KLF17: variants seen among roughly 807,000 people sequenced by gnomAD.
The protein encoded by KLF17 is KLF transcription factor 17.
In KLF17, 31 loss-of-function variants were observed where a neutral mutation model predicts 34.2. The observed-to-expected ratio is 0.91, with a 90% CI of 0.68 to 1.22. KLF17 has a LOEUF of 1.22. Ranked by LOEUF, KLF17 falls within the 50% of genes most tolerant of loss-of-function variation. The probability of loss-of-function intolerance (pLI) is 0.00; values close to 1 mark genes in which losing one functional copy is unlikely to be tolerated. For synonymous variants in KLF17, 179 were observed against 186.7 expected (o/e 0.96, Z 0.34); for missense variants, 478 against 505.2 (o/e 0.95, Z 0.52).
the KLF17 span, among the ~76,000 whole-genome samples, chr1:44,112,378 G>A: frequency 4.0e-5 from 6 of 151,548 alleles, no homozygotes; most frequent in Admixed American, 2.6e-4. Context: ...TCTCTCCAAT[G>A]TTTTCTTTTT....
chr1:44,060,441 C>G, the KLF17 span, among the ~76,000 whole-genome samples: 1 of 152,168 alleles, frequency 6.6e-6, no homozygotes, highest in Non-Finnish European at 1.5e-5. Context: ...GCACTCCAGC[C>G]TGGGTGACAG....
At chr1:44,110,143 G>T in the KLF17 span, among the ~76,000 whole-genome samples, 1 of 152,142 alleles carries the variant, frequency 6.6e-6, no homozygotes, top group East Asian at 1.9e-4. Flanking sequence ...CTGACCTCAA[G>T]TGATCTACCT....
At chr1:44,119,113 G>A (rs955940150) in intron 1 of KLF17, 125 bp downstream of exon 1, 1 of 605,600 alleles carries the variant, frequency 1.7e-6, no homozygotes, top group Admixed American at 3.5e-5. Flanking sequence ...AATCCGAGGG[G>A]AGGGGTGGCA....
chr1:44,116,301 G>A (rs796602933), upstream of KLF17, among the ~76,000 whole-genome samples: 5 of 152,228 alleles, frequency 3.3e-5, no homozygotes, highest in African/African-American at 9.6e-5. Flanking sequence ...AGATACATAA[G>A]AGCCTTCTTA....
At chr1:44,107,883 C>T in the KLF17 span, among the ~76,000 whole-genome samples, 1 of 152,248 alleles carries the variant, frequency 6.6e-6, no homozygotes, top group Middle Eastern at 3.4e-3. Context: ...AAAAACACAG[C>T]ATATATAGGG....
At chr1:44,058,365 A>C in the KLF17 span, among the ~76,000 whole-genome samples, 857 of 152,202 alleles carry the variant, frequency 5.6e-3, 2 homozygotes, top group Non-Finnish European at 8.7e-3. Context: ...ATCTCGGCTC[A>C]CTGAAACCTC....
chr1:44,129,280 G>C, intron 1 of KLF17, 73 bp from the exon 2 acceptor site: 1 of 1,476,322 alleles, frequency 6.8e-7, no homozygotes, highest in Non-Finnish European at 9.1e-7. Context: ...ATTAGGATGG[G>C]GTCTGGGGAT....
At chr1:44,122,061 C>T in intron 1 of KLF17, 1 of 818,870 alleles carries the variant, frequency 1.2e-6, no homozygotes. Flanking sequence ...TTTTGTCCCA[C>T]TTTTATGTTT....
chr1:44,063,692 C>G, the KLF17 span, among the ~76,000 whole-genome samples: 1 of 152,084 alleles, frequency 6.6e-6, no homozygotes, highest in African/African-American at 2.4e-5. Flanking sequence ...TTTTTATGGG[C>G]AATTTTATTT....
chr1:44,114,885 T>C (rs534683332), upstream of KLF17: 2 of 152,376 alleles, frequency 1.3e-5, no homozygotes, highest in East Asian at 3.9e-4. Flanking sequence ...ACATTTTTAT[T>C]AGCGATCCTT....
the KLF17 span, among the ~76,000 whole-genome samples, chr1:44,085,434 G>A: frequency 2.9e-3 from 448 of 152,236 alleles, 1 homozygote; most frequent in African/African-American, 0.01. Flanking sequence ...GTAATGGTGA[G>A]CCATGTGGCT....
At chr1:44,082,152 A>G in the KLF17 span, among the ~76,000 whole-genome samples, 1 of 152,198 alleles carries the variant, frequency 6.6e-6, no homozygotes, top group African/African-American at 2.4e-5. Context: ...CATAAGCCAG[A>G]CCAATTCCTT....
intron 3 of KLF17, among the ~76,000 whole-genome samples, chr1:44,132,266 ATTGCAC>A (rs2154311904): frequency 6.6e-6 from 1 of 152,230 alleles, no homozygotes; most frequent in African/African-American, 2.4e-5. Flanking sequence ...AGATTGTGCC[ATTGCAC>A]TCCAGCCTGG....
chr1:44,058,536 ACCTTGG>A, the KLF17 span, among the ~76,000 whole-genome samples: 1 of 151,552 alleles, frequency 6.6e-6, no homozygotes, highest in East Asian at 1.9e-4. Context: ...TGATCCACCC[ACCTTGG>A]CCTCTCAAAG....
the KLF17 span, among the ~76,000 whole-genome samples, chr1:44,046,433 G>C: frequency 6.6e-6 from 1 of 151,642 alleles, no homozygotes; most frequent in African/African-American, 2.4e-5. Flanking sequence ...AGTTGCCTAG[G>C]CTAGTCGTGA....
the KLF17 span, among the ~76,000 whole-genome samples, chr1:44,094,378 T>C: frequency 6.6e-6 from 1 of 152,184 alleles, no homozygotes; most frequent in Non-Finnish European, 1.5e-5. Context: ...TTTTCTTTGG[T>C]TGCCTTGTGC....
Position 44,134,441 on chromosome 1 carries a change from C to G in KLF17, c.*1204C>G, listed in dbSNP as rs2088146942. On this transcript the variant is annotated 3_prime_UTR_variant, in exon 4 of 4. Coordinates refer to ENST00000372299, the MANE Select transcript of KLF17 (RefSeq NM_173484.4). Reference sequence around the variant, plus strand: ...CTACTCGGGAGACTGACGGGAGAATCGCTTGAACCCAGGAGGCGGAGGTTG... The same window carrying G: ...CTACTCGGGAGACTGACGGGAGAATGGCTTGAACCCAGGAGGCGGAGGTTG... The G allele has an allele frequency of 6.6e-6, 1 of 152,286 alleles. No homozygotes were observed. The highest frequency in any genetic ancestry group is 2.4e-5 in the African/African-American group (1 of 41,402). 9.4% of individuals were successfully genotyped at this position (152,286 alleles called of 1,614,324 possible).
At chr1:44,075,819 G>C in the KLF17 span, among the ~76,000 whole-genome samples, 1 of 151,938 alleles carries the variant, frequency 6.6e-6, no homozygotes, top group Non-Finnish European at 1.5e-5. Flanking sequence ...TCTACTTTTT[G>C]TCTACAACAA....
chr1:44,075,113 G>GCACACA, the KLF17 span: 28,549 of 146,364 alleles, frequency 0.2, 3,026 homozygotes, highest in South Asian at 0.39. Flanking sequence ...CTAACAAAAT[G>GCACACA]CACACACACA....
Sources: gnomAD v4.1 joint callset for allele counts (sites outside exome capture counted in the v4.1 genomes callset) on GRCh38, gnomAD v4.1.1 for gene constraint, MANE v1.5 for transcripts, NCBI Gene and HGNC (gene_info 2026-07-23, HGNC 2026-07-21) for gene names.